Variants in CLMN observed in about 807,000 individuals in gnomAD.
CLMN encodes calmin.
In CLMN, 57 loss-of-function variants were observed where a neutral mutation model predicts 92.7. That is an observed-to-expected ratio of 0.61 (90% CI 0.50 to 0.77). CLMN has a LOEUF of 0.77. Among genes scored for constraint, CLMN ranks in the 30% least tolerant of loss-of-function variants. CLMN has a pLI of 0.00. For synonymous variants in CLMN, 466 were observed against 470.6 expected (o/e 0.99, Z 0.13); for missense variants, 1,158 against 1,237.5 (o/e 0.94, Z 0.96).
At chr14:95,252,967 G>C (rs946250204) in intron 1 of CLMN, among the ~76,000 whole-genome samples, 1 of 152,170 alleles carries the variant, frequency 6.6e-6, no homozygotes, top group Non-Finnish European at 1.5e-5. Flanking sequence ...CCGTAACTGT[G>C]AAGTATAACA....
Position 95,193,905 on chromosome 14 carries a change from A to G in CLMN, c.2784T>C (p.Tyr928=), listed in dbSNP as rs1128468. ...GATCTGCTGCGTTCCTCAACTGAAC[A>G]TAGCTAAAATGATCCTACAGTGAAA... ...HRSSESDHFS[Y]VQLRNAADLD... The change falls in exon 12 of 13, where the codon TAT becomes TAC. Residue 928 remains tyrosine, a synonymous_variant. Transcript: ENST00000298912. 159,245 of 1,613,348 alleles carry G rather than the reference A, an allele frequency of 0.099. 10,540 individuals are homozygous for G. Among genetic ancestry groups the G allele is most frequent in the East Asian group, 0.38 (17,011 of 44,824 alleles).
At chr14:95,306,864 G>T (rs115144482) in intron 1 of CLMN, among the ~76,000 whole-genome samples, 5 of 152,112 alleles carry the variant, frequency 3.3e-5, no homozygotes, top group Admixed American at 3.3e-4. Flanking sequence ...GTAAAGAGGG[G>T]TCCTACATCC....
At chr14:95,308,808 G>A (rs1901398051) in intron 1 of CLMN, among the ~76,000 whole-genome samples, 1 of 152,186 alleles carries the variant, frequency 6.6e-6, no homozygotes, top group Non-Finnish European at 1.5e-5. Context: ...AACTCCCCCA[G>A]TGTAGCCTGA....
intron 1 of CLMN, among the ~76,000 whole-genome samples, chr14:95,293,306 CTCCTTCCCTCCCTCCCTCCTTCCT>C (rs1479629195): frequency 4.1e-4 from 33 of 81,248 alleles, no homozygotes; most frequent in African/African-American, 1.5e-3. Flanking sequence ...CCTTCCCTCC[CTCCTTCCCTCCCTCCCTCCTTCCT>C]TCCTTCCCTC....
rs1000989572 is a variant in CLMN at position 95,188,361 on chromosome 14, A to G, written c.*3203T>C. On this transcript the variant is annotated 3_prime_UTR_variant, in exon 13 of 13. Transcript: ENST00000298912. ...ACGTCCACAGAGAGACAAAATCTGCATCCACGCATCAAGAGCAGGACACTG... is the reference window on the plus strand; with the variant it reads ...ACGTCCACAGAGAGACAAAATCTGCGTCCACGCATCAAGAGCAGGACACTG... The G allele has an allele frequency of 6.6e-6, 1 of 152,266 alleles. No individual in the cohort carries two copies. The highest frequency in any genetic ancestry group is 1.5e-5 in the Non-Finnish European group (1 of 68,052). The allele number at this position is 152,266 out of a possible 1,614,324, so 9.4% of individuals were successfully genotyped here.
intron 1 of CLMN, among the ~76,000 whole-genome samples, chr14:95,269,531 A>T (rs1445924903): frequency 6.6e-6 from 1 of 152,210 alleles, no homozygotes; most frequent in East Asian, 1.9e-4. Context: ...ATGAGCTGTG[A>T]CAAGGTCATT....
At position 95,217,427 on chromosome 14, in the gene CLMN, C is replaced by T. The variant is rs185559978; in HGVS notation, c.325-1694G>A. On this transcript the variant is annotated intron_variant, in intron 4 of 12. Transcript: ENST00000298912. Reference sequence around the variant, plus strand: ...GAGTTCTGGGTTCCCAAGCTGCAGTCTGTTTTGAGGACAGATGCCAAGAAT... The same window carrying T: ...GAGTTCTGGGTTCCCAAGCTGCAGTTTGTTTTGAGGACAGATGCCAAGAAT... 9.0e-4 allele frequency among the ~76,000 whole-genome samples: 137 copies of T among 152,308 alleles called. 1 individual carries two copies. The highest frequency in any genetic ancestry group is 9.6e-4 in the Non-Finnish European group (65 of 68,026).
At chr14:95,235,561 G>C (rs953069150) in intron 1 of CLMN, among the ~76,000 whole-genome samples, 4 of 152,160 alleles carry the variant, frequency 2.6e-5, no homozygotes, top group Non-Finnish European at 4.4e-5. Flanking sequence ...GGAATGACTC[G>C]TGGGCACTGG....
intron 1 of CLMN, among the ~76,000 whole-genome samples, chr14:95,310,626 T>G (rs941569): frequency 0.97 from 148,358 of 152,314 alleles, 72,297 homozygotes; most frequent in East Asian, 1. Flanking sequence ...GGACAAAGAT[T>G]CGTGCACCTC....
chr14:95,311,685 T>C (rs553374340), intron 1 of CLMN, among the ~76,000 whole-genome samples: 1 of 152,278 alleles, frequency 6.6e-6, no homozygotes, highest in Admixed American at 6.5e-5. Context: ...CCATCCTGCA[T>C]GCCCCGACCC....
chr14:95,220,337 CA>C (rs1897494484), intron 4 of CLMN, among the ~76,000 whole-genome samples: 1 of 152,044 alleles, frequency 6.6e-6, no homozygotes, highest in Non-Finnish European at 1.5e-5. Flanking sequence ...CGACCGTGCC[CA>C]GCTAATTTTT....
chr14:95,250,142 G>T (rs1017999571), intron 1 of CLMN, among the ~76,000 whole-genome samples: 1 of 152,180 alleles, frequency 6.6e-6, no homozygotes, highest in Non-Finnish European at 1.5e-5. Context: ...GGCCCTACTG[G>T]GCCCCAGAAC....
chr14:95,293,689 C>G (rs1224067186), intron 1 of CLMN, among the ~76,000 whole-genome samples: 1 of 149,812 alleles, frequency 6.7e-6, no homozygotes, highest in African/African-American at 2.5e-5. Context: ...CACCCACCCC[C>G]GCCCCGCAGC....
chr14:95,245,903 AATGG>A (rs61217941), intron 1 of CLMN, among the ~76,000 whole-genome samples: 34,662 of 148,190 alleles, frequency 0.23, 5,150 homozygotes, highest in African/African-American at 0.43. Flanking sequence ...CACACGGATG[AATGG>A]ATGGATGGAT....
At chr14:95,261,690 C>T (rs759713890) in intron 1 of CLMN, among the ~76,000 whole-genome samples, 1 of 152,218 alleles carries the variant, frequency 6.6e-6, no homozygotes, top group Admixed American at 6.5e-5. Context: ...GGAGACCACA[C>T]AACTGCTGTC....
intron 1 of CLMN, chr14:95,296,336 TA>T (rs988242260): frequency 2.0e-5 from 3 of 152,214 alleles, no homozygotes; most frequent in Admixed American, 6.5e-5. Context: ...GCAGAGCCCT[TA>T]CAACATAATT....
chr14:95,219,626 T>C (rs1897463184), intron 4 of CLMN, among the ~76,000 whole-genome samples: 1 of 152,174 alleles, frequency 6.6e-6, no homozygotes, highest in African/African-American at 2.4e-5. Context: ...TCAGGGAAGA[T>C]GCCATTTGCC....
intron 1 of CLMN, among the ~76,000 whole-genome samples, chr14:95,262,883 A>C (rs1161013338): frequency 6.6e-6 from 1 of 152,176 alleles, no homozygotes; most frequent in Non-Finnish European, 1.5e-5. Flanking sequence ...TTTCTGGATG[A>C]GAAAGTTGGC....
chr14:95,316,721 T>C (rs764282118), intron 1 of CLMN, among the ~76,000 whole-genome samples: 1 of 152,204 alleles, frequency 6.6e-6, no homozygotes, highest in Non-Finnish European at 1.5e-5. Context: ...GATATAGCTC[T>C]ATTATTAAAC....
Sources: gnomAD v4.1 joint callset for allele counts (sites outside exome capture counted in the v4.1 genomes callset) on GRCh38, gnomAD v4.1.1 for gene constraint, MANE v1.5 for transcripts, NCBI Gene and HGNC (gene_info 2026-07-23, HGNC 2026-07-21) for gene names.